Variants in CALD1 observed in about 807,000 individuals in gnomAD.
CALD1 encodes caldesmon 1, also known as caldesmon.
A neutral mutation model predicts 99.9 loss-of-function variants in CALD1; 33 were observed. The observed-to-expected ratio is 0.33, with a 90% CI of 0.25 to 0.44. The LOEUF (loss-of-function observed/expected upper bound fraction) is 0.44, where lower values mean the gene tolerates loss of function less well. Among genes scored for constraint, CALD1 ranks in the 20% least tolerant of loss-of-function variants. CALD1 has a pLI of 1.00. For missense variants in CALD1, 861 were observed against 962.1 expected (o/e 0.89, Z 1.39); for synonymous variants, 310 against 325.0 (o/e 0.95, Z 0.50).
chr7:134,739,139 G>A, the CALD1 span, among the ~76,000 whole-genome samples: 2 of 152,138 alleles, frequency 1.3e-5, no homozygotes, highest in Admixed American at 1.3e-4. Context: ...ACTTTGAATG[G>A]TTTTTGGAGC....
intron 1 of CALD1, among the ~76,000 whole-genome samples, chr7:134,826,245 C>T (rs1321795868): frequency 6.6e-6 from 1 of 152,118 alleles, no homozygotes; most frequent in Non-Finnish European, 1.5e-5. Flanking sequence ...CTTTCTCCCA[C>T]CCTCCCAGGC....
At chr7:134,845,824 T>C (rs1484761930) in intron 2 of CALD1, among the ~76,000 whole-genome samples, 1 of 152,206 alleles carries the variant, frequency 6.6e-6, no homozygotes, top group Non-Finnish European at 1.5e-5. Flanking sequence ...GAAGGACCCG[T>C]CCAAGAGGAA....
chr7:134,882,697 A>T (rs1292552065), intron 3 of CALD1, among the ~76,000 whole-genome samples: 1 of 152,240 alleles, frequency 6.6e-6, no homozygotes, highest in African/African-American at 2.4e-5. Context: ...GGGTAGGGCC[A>T]ATCTCTGGCA....
At chr7:134,939,288 G>A (rs1200789235) in intron 6 of CALD1, among the ~76,000 whole-genome samples, 1 of 152,204 alleles carries the variant, frequency 6.6e-6, no homozygotes, top group Non-Finnish European at 1.5e-5. Context: ...GGACCCAAGA[G>A]GGAAATGACA....
chr7:134,883,347 T>G (rs960891481), intron 3 of CALD1, among the ~76,000 whole-genome samples: 1 of 152,356 alleles, frequency 6.6e-6, no homozygotes, highest in Admixed American at 6.5e-5. Flanking sequence ...GAAGTGACTG[T>G]CGGCTATTTT....
intron 1 of CALD1, among the ~76,000 whole-genome samples, chr7:134,793,455 C>G (rs1797621539): frequency 6.6e-6 from 1 of 152,158 alleles, no homozygotes. Flanking sequence ...TTCAAGCGCC[C>G]ATACATTGTG....
upstream of CALD1, among the ~76,000 whole-genome samples, chr7:134,775,308 A>T (rs1370760012): frequency 1.3e-5 from 2 of 152,164 alleles, no homozygotes; most frequent in South Asian, 4.1e-4. Flanking sequence ...TCTTAATTAG[A>T]ATTGTTCTAT....
the CALD1 span, among the ~76,000 whole-genome samples, chr7:134,721,304 C>T: frequency 1.4e-5 from 2 of 145,710 alleles, no homozygotes; most frequent in African/African-American, 5.2e-5. Flanking sequence ...CCTTTCAACT[C>T]ACTGAGCCTG....
At chr7:134,791,600 T>A (rs1485786882) in intron 1 of CALD1, among the ~76,000 whole-genome samples, 1 of 152,144 alleles carries the variant, frequency 6.6e-6, no homozygotes, top group Non-Finnish European at 1.5e-5. Flanking sequence ...CATCTTGCCA[T>A]ACAGAGTGCC....
intron 1 of CALD1, among the ~76,000 whole-genome samples, chr7:134,840,971 G>A (rs921035231): frequency 6.6e-6 from 1 of 152,048 alleles, no homozygotes; most frequent in African/African-American, 2.4e-5. Flanking sequence ...AGAAGGAGTC[G>A]GGATAGGTGG....
the CALD1 span, among the ~76,000 whole-genome samples, chr7:134,730,203 G>C: frequency 1.3e-5 from 2 of 148,490 alleles, no homozygotes; most frequent in South Asian, 2.2e-4. Flanking sequence ...CTCCCTCCCT[G>C]CCTCCCTCCC....
In CALD1 at chr7:134,953,669, G is replaced by GT. The variant is rs959799213; in HGVS notation, c.1935+3166dup. ...AATTCTACTGTGGTTTTTTTTTTTTGTTTTTTTTTTTCAGGAGAAACTACA... is the reference window on the plus strand; with the variant it reads ...AATTCTACTGTGGTTTTTTTTTTTTGTTTTTTTTTTTTCAGGAGAAACTACA... On this transcript the variant is annotated intron_variant, in intron 9 of 14. Coordinates refer to ENST00000361675, the MANE Select transcript of CALD1 (RefSeq NM_033138.4). 1.6e-3 allele frequency among the ~76,000 whole-genome samples: 128 copies of GT among 81,194 alleles called. 1 individual carries two copies. The highest frequency in any genetic ancestry group is 6.6e-3 in the Middle Eastern group (1 of 152). 53.3% of individuals were successfully genotyped at this position (81,194 alleles called of 152,430 possible).
At chr7:134,968,303 T>C in intron 14 of CALD1, 37 bp from the exon 15 acceptor site, 1 of 1,609,872 alleles carries the variant, frequency 6.2e-7, no homozygotes, top group Non-Finnish European at 8.5e-7. Context: ...AGTTTCACAC[T>C]ACAGGCTGTC....
At chr7:134,852,130 T>C (rs550156583) in intron 2 of CALD1, among the ~76,000 whole-genome samples, 2 of 152,208 alleles carry the variant, frequency 1.3e-5, no homozygotes, top group African/African-American at 4.8e-5. Flanking sequence ...CCATATAGTA[T>C]TGATCACCAA....
At chr7:134,745,254 T>C (rs995101040) in intron 1 of CALD1, among the ~76,000 whole-genome samples, 27 of 152,250 alleles carry the variant, frequency 1.8e-4, no homozygotes, top group Admixed American at 1.6e-3. Context: ...CCCAATTCAG[T>C]ATCAGGCATC....
At chr7:134,779,865 T>C (rs1010052187) in intron 1 of CALD1, 116 bp downstream of exon 1, 1 of 394,506 alleles carries the variant, frequency 2.5e-6, no homozygotes, top group Non-Finnish European at 4.5e-6. Context: ...TTCAAGGCAA[T>C]AAACCATGCA....
intron 1 of CALD1, among the ~76,000 whole-genome samples, chr7:134,762,024 C>A (rs1421776491): frequency 6.6e-6 from 1 of 152,154 alleles, no homozygotes; most frequent in Non-Finnish European, 1.5e-5. Flanking sequence ...TGTACAGAGG[C>A]CAGTACTGGA....
chr7:134,964,626 G>A (rs978393189), intron 13 of CALD1, among the ~76,000 whole-genome samples: 11 of 152,194 alleles, frequency 7.2e-5, no homozygotes, highest in Non-Finnish European at 1.0e-4. Context: ...GCAGTTGGCA[G>A]TCAGGCTGGT....
At chr7:134,924,939 G>A (rs1403276918) in intron 3 of CALD1, among the ~76,000 whole-genome samples, 1 of 152,142 alleles carries the variant, frequency 6.6e-6, no homozygotes, top group Non-Finnish European at 1.5e-5. Flanking sequence ...ACCTAGTGAA[G>A]AAGGTGCCTT....
Sources: allele counts gnomAD v4.1 joint callset (sites outside exome capture counted in the v4.1 genomes callset), GRCh38; gene constraint gnomAD v4.1.1; transcripts MANE v1.5; gene names NCBI Gene and HGNC (gene_info 2026-07-23, HGNC 2026-07-21).